ITPKB: variants seen among roughly 807,000 people sequenced by gnomAD.
ITPKB encodes inositol-trisphosphate 3-kinase B, also known as IP3 3-kinase B.
Under a neutral mutation model 69.4 loss-of-function variants are expected in ITPKB, and 13 were observed. The ratio of observed to expected loss-of-function variants is 0.19; its 90% CI spans 0.12 to 0.30. The LOEUF (loss-of-function observed/expected upper bound fraction) is 0.30, where lower values mean the gene tolerates loss of function less well. ITPKB is among the 10% of genes least tolerant of loss of function. ITPKB has a pLI of 1.00. For missense variants in ITPKB, 1,240 were observed against 1,250.5 expected, an observed-to-expected ratio of 0.99 and a Z score of 0.13; for synonymous variants, 584 against 513.7, an observed-to-expected ratio of 1.14 and a Z score of -1.85.
In ITPKB at chr1:226,639,663, G is replaced by A. The variant is rs769531876; in HGVS notation, c.2452-5C>T. 3.7e-6 allele frequency: 6 copies of A among 1,601,440 alleles called. No homozygotes were observed. Among genetic ancestry groups the A allele is most frequent in the Admixed American group, 1.7e-5 (1 of 59,988 alleles). ...GTTCACGGTGCCGTCTTCTTTCTGA[G>A]AAAGAGAACACCCCACCCAGGAGGG... On this transcript the variant is annotated splice_region_variant and splice_polypyrimidine_tract_variant and intron_variant, in intron 5 of 7. Transcript: ENST00000429204.
chr1:226,699,102 C>T (rs1260915515), intron 2 of ITPKB, among the ~76,000 whole-genome samples: 3 of 152,222 alleles, frequency 2.0e-5, no homozygotes, highest in Admixed American at 6.5e-5. Flanking sequence ...CCCTGGCTTT[C>T]TAGTATGCTG....
At position 226,634,077 on chromosome 1, in the gene ITPKB, C is replaced by A. The variant is rs894422029; in HGVS notation, c.*594G>T. The stretch of plus-strand genomic sequence containing the variant: ...AGATGGGTGGGGGGCCTTGCCTGAG[C>A]AGCCCTGGAGAGGCCACCAGGGCAT... On this transcript the variant is annotated 3_prime_UTR_variant, in exon 8 of 8. Transcript: ENST00000429204. This position sits in a 1 kb window ranked among gnomAD's most constrained non-coding sequence, Gnocchi z 6.3. 1.3e-5 allele frequency: 2 copies of A among 152,574 alleles called. No individual in the cohort carries two copies. Among genetic ancestry groups the A allele is most frequent in the African/African-American group, 4.8e-5 (2 of 41,432 alleles). The allele number at this position is 152,574 out of a possible 1,614,324, so 9.5% of individuals were successfully genotyped here.
At chr1:226,662,290 C>T (rs1288937) in intron 2 of ITPKB, among the ~76,000 whole-genome samples, 1 of 152,158 alleles carries the variant, frequency 6.6e-6, no homozygotes, top group South Asian at 2.1e-4. Context: ...GAATCTAAAA[C>T]GAAGTTTTCT....
intron 2 of ITPKB, among the ~76,000 whole-genome samples, chr1:226,670,175 C>T: frequency 3.1e-5 from 1 of 32,000 alleles, no homozygotes; most frequent in African/African-American, 1.1e-4. Flanking sequence ...AGCTCCGCCG[C>T]AAAAAAAAAA....
chr1:226,736,807 C>T lies in ITPKB; in HGVS notation c.652G>A (p.Gly218Arg). The T allele has an allele frequency of 6.2e-7, 1 of 1,613,032 alleles. No individual in the cohort carries two copies. The highest frequency in any genetic ancestry group is 1.1e-5 in the South Asian group (1 of 91,088). ...QCPETSGTDS[G>R]RKGGPSLCSS... The stretch of plus-strand genomic sequence containing the variant: ...CATAGGCTGGGCCCTCCTTTCCTCC[C>T]GGAGTCGGTTCCTGAAGTCTCTGGA... The change falls in exon 2 of 8, where the codon GGG becomes AGG. Residue 218 changes from glycine (G) to arginine (R), a missense_variant. Physicochemically the swap from Gly to Arg is moderately radical, Grantham distance 125. This residue lies in a region of ITPKB where 992 missense variants were observed against 853.8 expected (regional missense o/e 1.16). Transcript: ENST00000429204.
chr1:226,728,587 G>C (rs752872900), intron 2 of ITPKB, among the ~76,000 whole-genome samples: 2 of 152,198 alleles, frequency 1.3e-5, no homozygotes, highest in Non-Finnish European at 2.9e-5. Flanking sequence ...TGTGCAGTGT[G>C]CACTTCTGCT....
chr1:226,713,399 A>G (rs921881362), intron 2 of ITPKB, among the ~76,000 whole-genome samples: 1 of 152,138 alleles, frequency 6.6e-6, no homozygotes, highest in Admixed American at 6.5e-5. Context: ...AACAATTGCT[A>G]TTTTTATTTT....
rs767725384 is a variant in ITPKB at position 226,637,379 on chromosome 1, G to C, written c.2625+300C>G. ...CAGAGAGCTTCTGCCCTGAGACCAC[G>C]GGTGTGTGGGATATGAGTCCTGCCA... On this transcript the variant is annotated intron_variant, in intron 7 of 7. Transcript: ENST00000429204. This position sits in a 1 kb window ranked among gnomAD's most constrained non-coding sequence, Gnocchi z 4.3. 6.6e-6 allele frequency among the ~76,000 whole-genome samples: 1 copy of C among 152,236 alleles called. No individual in the cohort carries two copies. The highest frequency in any genetic ancestry group is 2.4e-5 in the African/African-American group (1 of 41,464).
chr1:226,637,666 G>A lies in ITPKB; in HGVS notation c.2625+13C>T, dbSNP rs1668866466. On this transcript the variant is annotated intron_variant, in intron 7 of 7. Transcript: ENST00000429204. This position sits in a 1 kb window ranked among gnomAD's most constrained non-coding sequence, Gnocchi z 4.3. The stretch of plus-strand genomic sequence containing the variant: ...CAGCATTCTGCTCAAGAGGGCAAAA[G>A]CCCAGTATCTACCTCGTGGCACTTG... The A allele has an allele frequency of 6.2e-7, 1 of 1,604,364 alleles. No homozygotes were observed. The highest frequency in any genetic ancestry group is 8.5e-7 in the Non-Finnish European group (1 of 1,171,386).
intron 2 of ITPKB, among the ~76,000 whole-genome samples, chr1:226,694,520 GC>G (rs1338621807): frequency 1.3e-5 from 2 of 152,190 alleles, no homozygotes; most frequent in African/African-American, 4.8e-5. Flanking sequence ...AGAGCACTTT[GC>G]AGTTTTATCA....
Position 226,737,179 on chromosome 1 carries a change from C to CGCTGCT in ITPKB, c.274_279dup (p.Ser92_Ser93dup), listed in dbSNP as rs778362572. 2 of 821,482 alleles carry CGCTGCT rather than the reference C, an allele frequency of 2.4e-6. No individual in the cohort carries two copies. Among genetic ancestry groups the CGCTGCT allele is most frequent in the East Asian group, 4.3e-5 (1 of 23,242 alleles). 50.9% of individuals were successfully genotyped at this position (821,482 alleles called of 1,614,324 possible). On this transcript the variant is annotated inframe_insertion, in exon 2 of 8. Coordinates refer to ENST00000429204, the MANE Select transcript of ITPKB (RefSeq NM_002221.4). Reference sequence around the variant, plus strand: ...CAACTTGGGCTGCTCACGCTACTGCCGCTGCTGCCGCTGCCACTGCCGCTG... The same window carrying CGCTGCT: ...CAACTTGGGCTGCTCACGCTACTGCCGCTGCTGCTGCTGCCGCTGCCACTGCCGCTG...
intron 6 of ITPKB, among the ~76,000 whole-genome samples, chr1:226,638,914 C>G (rs1296889771): frequency 6.6e-6 from 1 of 151,944 alleles, no homozygotes; most frequent in Non-Finnish European, 1.5e-5. Flanking sequence ...AAGGGAGAGT[C>G]AGTGAGTGTC....
At chr1:226,729,435 T>C (rs1278476260) in intron 2 of ITPKB, among the ~76,000 whole-genome samples, 4 of 135,300 alleles carry the variant, frequency 3.0e-5, no homozygotes, top group African/African-American at 1.1e-4. Flanking sequence ...TGAGCCGATA[T>C]CATGCCACTG....
intron 2 of ITPKB, chr1:226,707,600 G>C (rs1368533902): frequency 1.0e-6 from 1 of 987,274 alleles, no homozygotes; most frequent in African/African-American, 1.7e-5. Flanking sequence ...TTCGGGCAGT[G>C]GGGGCTCAAT....
chr1:226,710,543 T>C (rs1656921307), intron 2 of ITPKB, among the ~76,000 whole-genome samples: 1 of 152,252 alleles, frequency 6.6e-6, no homozygotes, highest in Admixed American at 6.5e-5. Context: ...CCCTTGACTC[T>C]GGCCACTCTT....
Position 226,737,346 on chromosome 1 carries a change from C to T in ITPKB, c.113G>A (p.Arg38Lys), listed in dbSNP as rs1225490518. The T allele has an allele frequency of 6.2e-7, 1 of 1,603,956 alleles. No homozygotes were observed. Among genetic ancestry groups the T allele is most frequent in the Non-Finnish European group, 8.5e-7 (1 of 1,178,452 alleles). ...PSGSETPPPP[R>K]RAVLSPGSVF... ...GCTGCCGGGGCTCAGCACTGCCCTC[C>T]TCGGGGGCGGGGGCGTCTCGCTGCC... Residue 38 changes from arginine to lysine, a missense_variant, in exon 2 of 8, where the codon AGG becomes AAG. By Grantham distance (26) the Arg-to-Lys change is conservative. Around this residue, in one of 2 missense-constraint regions of ITPKB, gnomAD observed 992 missense variants for 853.8 expected, o/e 1.16. Coordinates refer to ENST00000429204, the MANE Select transcript of ITPKB (RefSeq NM_002221.4).
chr1:226,691,478 C>T (rs188087677), intron 2 of ITPKB, among the ~76,000 whole-genome samples: 1 of 152,218 alleles, frequency 6.6e-6, no homozygotes, highest in Admixed American at 6.5e-5. Context: ...AAATGCAGCA[C>T]AGAACGCCTT....
At chr1:226,714,778 T>A (rs1393681959) in intron 2 of ITPKB, among the ~76,000 whole-genome samples, 1 of 152,256 alleles carries the variant, frequency 6.6e-6, no homozygotes, top group Non-Finnish European at 1.5e-5. Context: ...ACTGTAAACA[T>A]GCTTATTCTC....
At chr1:226,645,426 C>T (rs1571837017) in intron 4 of ITPKB, among the ~76,000 whole-genome samples, 1 of 151,830 alleles carries the variant, frequency 6.6e-6, no homozygotes, top group African/African-American at 2.4e-5. Flanking sequence ...AGCCCTGGGG[C>T]AGGAAGCGGG....
Sources: gnomAD v4.1 joint callset for allele counts (sites outside exome capture counted in the v4.1 genomes callset) on GRCh38, gnomAD v4.1.1 for gene constraint, gnomAD v4.1.1 regional missense constraint, Gnocchi (gnomAD v3.1) non-coding constraint, MANE v1.5 for transcripts, NCBI Gene and HGNC (gene_info 2026-07-23, HGNC 2026-07-21) for gene names.